The following RFC3 variants were observed in gnomAD, a reference collection of about 807,000 sequenced individuals.
The protein encoded by RFC3 is replication factor C subunit 3.
RFC3 carries 41 observed loss-of-function variants against 45.1 expected under a neutral mutation model. That is an observed-to-expected ratio of 0.91 (90% CI 0.71 to 1.18). The LOEUF (loss-of-function observed/expected upper bound fraction) is 1.18. Ranked by LOEUF, RFC3 falls within the 50% of genes most tolerant of loss-of-function variation. The pLI is 0.00. For synonymous variants in RFC3, 149 were observed against 144.0 expected (o/e 1.03, Z -0.25); for missense variants, 423 against 428.1 (o/e 0.99, Z 0.10).
At chr13:33,870,367 ATT>A (rs2082399522) in intron 8 of RFC3, among the ~76,000 whole-genome samples, 1 of 152,234 alleles carries the variant, frequency 6.6e-6, no homozygotes, top group Non-Finnish European at 1.5e-5. Context: ...AAAGTGATCT[ATT>A]TTGTTGGAAA....
intron 8 of RFC3, among the ~76,000 whole-genome samples, chr13:33,870,459 A>G (rs1593653245): frequency 6.6e-6 from 1 of 152,240 alleles, no homozygotes; most frequent in East Asian, 1.9e-4. Flanking sequence ...ACATTTTGCA[A>G]CAGCCACCTG....
chr13:33,853,379 T>G (rs539985172), intron 8 of RFC3, among the ~76,000 whole-genome samples: 1 of 152,296 alleles, frequency 6.6e-6, no homozygotes, highest in Admixed American at 6.5e-5. Flanking sequence ...GAAATTGCTA[T>G]CCCCTTGAGA....
chr13:33,936,979 A>T (rs1196778609), intron 8 of RFC3, among the ~76,000 whole-genome samples: 2 of 152,162 alleles, frequency 1.3e-5, no homozygotes, highest in Non-Finnish European at 2.9e-5. Flanking sequence ...TCACCACAAA[A>T]AATCAAGAGC....
chr13:33,888,838 C>T (rs933468782), intron 8 of RFC3, among the ~76,000 whole-genome samples: 3 of 151,734 alleles, frequency 2.0e-5, no homozygotes, highest in East Asian at 1.9e-4. Flanking sequence ...GTCCACCTCC[C>T]AGGTTCACGC....
At chr13:33,872,809 A>T (rs2092761797) in intron 8 of RFC3, among the ~76,000 whole-genome samples, 2 of 136,328 alleles carry the variant, frequency 1.5e-5, no homozygotes, top group Non-Finnish European at 3.2e-5. Context: ...CCCCCAAAAT[A>T]CATGGTAGGC....
chr13:33,883,272 G>C (rs546648901), intron 8 of RFC3, among the ~76,000 whole-genome samples: 3 of 152,332 alleles, frequency 2.0e-5, no homozygotes, highest in Admixed American at 1.3e-4. Context: ...CAATCCAGGA[G>C]AGAATATGGA....
intron 7 of RFC3, among the ~76,000 whole-genome samples, chr13:33,831,679 T>C (rs2082106207): frequency 6.8e-6 from 1 of 146,964 alleles, no homozygotes; most frequent in African/African-American, 2.6e-5. Context: ...ATAATGTGCG[T>C]AGCTTTCTAG....
intron 8 of RFC3, among the ~76,000 whole-genome samples, chr13:33,955,796 T>A (rs368234025): frequency 3.8e-4 from 58 of 152,168 alleles, no homozygotes; most frequent in African/African-American, 1.4e-3. Context: ...AGTTAAAAAA[T>A]TTGCCCCACA....
intron 8 of RFC3, among the ~76,000 whole-genome samples, chr13:33,899,295 G>C (rs934692909): frequency 6.8e-6 from 1 of 148,038 alleles, no homozygotes; most frequent in African/African-American, 2.5e-5. Flanking sequence ...CAAAATACGA[G>C]CAAACTGAAT....
intron 7 of RFC3, among the ~76,000 whole-genome samples, chr13:33,832,432 T>G (rs3135614): frequency 0.016 from 2,471 of 152,314 alleles, 29 homozygotes; most frequent in African/African-American, 0.034. Context: ...GAATTCTAAT[T>G]TTTTAAGAAA....
rs112921767 is a variant in RFC3 at position 33,818,159 on chromosome 13, C to T, written c.-20C>T. On this transcript the variant is annotated 5_prime_UTR_variant, in exon 1 of 9. Transcript: ENST00000380071. ...TCGCGCGGGATTTTCAAGCGTAGGC[C>T]CCCGGGAACTCGAGCTGCCATGAGC... is the stretch of plus-strand genomic sequence containing the variant. 6.8e-6 allele frequency: 11 copies of T among 1,606,120 alleles called. No individual in the cohort carries two copies. The highest frequency in any genetic ancestry group is 4.0e-5 in the African/African-American group (3 of 74,708).
chr13:33,922,323 A>G (rs747169122), intron 8 of RFC3, among the ~76,000 whole-genome samples: 2 of 152,108 alleles, frequency 1.3e-5, no homozygotes, highest in Non-Finnish European at 2.9e-5. Context: ...GGACTTTCCC[A>G]TCATCCTAGA....
Position 33,829,937 on chromosome 13 carries a change from T to C in RFC3, c.493T>C (p.Cys165Arg), listed in dbSNP as rs2082086548. 4 of 1,614,052 alleles carry C rather than the reference T, an allele frequency of 2.5e-6. No individual in the cohort carries two copies. Among genetic ancestry groups the C allele is most frequent in the Non-Finnish European group, 3.4e-6 (4 of 1,179,974 alleles). ...GTCTACCTGCAGATTGATCTTGTGCTGCAATTCTACATCTAAAGTGATCCC... is the reference window on the plus strand; with the variant it reads ...GTCTACCTGCAGATTGATCTTGTGCCGCAATTCTACATCTAAAGTGATCCC... Reference protein sequence around the residue: ...YMSTCRLILCCNSTSKVIPPI... With the variant: ...YMSTCRLILCRNSTSKVIPPI... The change falls in exon 5 of 9, where the codon TGC becomes CGC. Residue 165 changes from cysteine (C) to arginine (R), a missense_variant. Physicochemically the swap from Cys to Arg is radical, Grantham distance 180. Transcript: ENST00000380071.
chr13:33,909,424 C>G (rs1033880726), intron 8 of RFC3, among the ~76,000 whole-genome samples: 3 of 151,954 alleles, frequency 2.0e-5, no homozygotes, highest in African/African-American at 4.8e-5. Context: ...GGCTTGTTTT[C>G]TCCTTCATCT....
intron 8 of RFC3, among the ~76,000 whole-genome samples, chr13:33,893,132 G>A (rs2082574103): frequency 1.3e-5 from 2 of 152,104 alleles, no homozygotes; most frequent in Non-Finnish European, 1.5e-5. Context: ...TCTGTAACTT[G>A]AAAAAGGGAG....
intron 8 of RFC3, among the ~76,000 whole-genome samples, chr13:33,906,908 A>G (rs891545531): frequency 6.6e-6 from 1 of 152,042 alleles, no homozygotes; most frequent in Non-Finnish European, 1.5e-5. Flanking sequence ...GGTTCATTGC[A>G]GCCTCTGTGT....
chr13:33,880,812 A>C (rs2082478206), intron 8 of RFC3, among the ~76,000 whole-genome samples: 1 of 152,066 alleles, frequency 6.6e-6, no homozygotes. Context: ...GCACGCCTGT[A>C]CTTGGGAGGC....
chr13:33,922,048 G>A (rs1033506817), intron 8 of RFC3, among the ~76,000 whole-genome samples: 1 of 152,026 alleles, frequency 6.6e-6, no homozygotes, highest in Non-Finnish European at 1.5e-5. Flanking sequence ...GCTGGAAGAT[G>A]GAGTGAAAAT....
At chr13:33,851,449 C>G (rs1438122947) in intron 8 of RFC3, among the ~76,000 whole-genome samples, 1 of 151,902 alleles carries the variant, frequency 6.6e-6, no homozygotes, top group Non-Finnish European at 1.5e-5. Flanking sequence ...TACATTCTTA[C>G]CATAAAGTCA....
Sources: allele counts gnomAD v4.1 joint callset (sites outside exome capture counted in the v4.1 genomes callset), GRCh38; gene constraint gnomAD v4.1.1; transcripts MANE v1.5; gene names NCBI Gene and HGNC (gene_info 2026-07-23, HGNC 2026-07-21).